The following FAF1 variants were observed in gnomAD, a reference collection of about 807,000 sequenced individuals.
FAF1 encodes FAS-associated factor 1.
In FAF1, 25 loss-of-function variants were observed where a neutral mutation model predicts 92.5. The ratio of observed to expected loss-of-function variants is 0.27; its 90% CI spans 0.20 to 0.38. The LOEUF is 0.38. FAF1 is among the 10% of genes least tolerant of loss of function. FAF1 has a pLI of 1.00. For synonymous variants in FAF1, 234 were observed against 273.2 expected (o/e 0.86, Z 1.42); for missense variants, 636 against 793.3 (o/e 0.80, Z 2.38).
chr1:50,689,834 T>C lies in FAF1; in HGVS notation c.657+15952A>G, dbSNP rs1467191048. On this transcript the variant is annotated intron_variant, in intron 7 of 18. Transcript: ENST00000396153. ...CATTCTATTTTCTGTTACTTTATTT[T>C]AGAATTCTGAAAATTAGCCTATGTA... is the stretch of plus-strand genomic sequence containing the variant. Among the ~76,000 whole-genome samples the C allele has an allele frequency of 3.3e-5, 5 of 152,284 alleles. No homozygotes were observed. In the East Asian group the frequency reaches 9.6e-4, roughly 29 times the overall value.
chr1:50,819,778 CATATATATACATATATATATATACAT>C lies in FAF1; in HGVS notation c.115-18127_115-18102del, dbSNP rs1644024602. ...ATATATATATACGTATATATATATA[CATATATATACATATATATATATACAT>C]ATATATATATATATAGTATTGTATA... On this transcript the variant is annotated intron_variant, in intron 2 of 18. Transcript: ENST00000396153. Among the ~76,000 whole-genome samples, 38 of 30,448 alleles carry C rather than the reference CATATATATACATATATATATATACAT, an allele frequency of 1.2e-3. 3 individuals are homozygous for C. The highest frequency in any genetic ancestry group is 3.5e-3 in the Admixed American group (9 of 2,550). The allele number at this position is 30,448 out of a possible 152,430, so 20.0% of individuals were successfully genotyped here.
chr1:50,824,049 A>G lies in FAF1; in HGVS notation c.115-22372T>C, dbSNP rs1403907958. 4.6e-5 allele frequency among the ~76,000 whole-genome samples: 7 copies of G among 152,196 alleles called. No homozygotes were observed. In the East Asian group the frequency reaches 1.2e-3, roughly 25 times the overall value. ...ATAAAGGAGACTAAATCTGGTAAAGAGAAAGGCTAATTTTAAAATGCATAT... is the reference window on the plus strand; with the variant it reads ...ATAAAGGAGACTAAATCTGGTAAAGGGAAAGGCTAATTTTAAAATGCATAT... On this transcript the variant is annotated intron_variant, in intron 2 of 18. Transcript: ENST00000396153.
chr1:50,898,801 T>A (rs1263933895), intron 1 of FAF1, among the ~76,000 whole-genome samples: 3 of 152,206 alleles, frequency 2.0e-5, no homozygotes, highest in African/African-American at 7.2e-5. Context: ...TTTTCACAGG[T>A]TTTAAGCAAT....
intron 7 of FAF1, among the ~76,000 whole-genome samples, chr1:50,686,381 A>G (rs993093463): frequency 1.3e-5 from 2 of 152,054 alleles, no homozygotes; most frequent in African/African-American, 4.8e-5. Flanking sequence ...CGTCCCTACT[A>G]AAAATACAAA....
chr1:50,629,965 G>A (rs1435474078), intron 8 of FAF1, among the ~76,000 whole-genome samples: 1 of 152,020 alleles, frequency 6.6e-6, no homozygotes, highest in African/African-American at 2.4e-5. Flanking sequence ...GGCTGAGGCA[G>A]GAGAATCGCT....
At chr1:50,868,297 A>G (rs1255695317) in intron 1 of FAF1, among the ~76,000 whole-genome samples, 1 of 152,196 alleles carries the variant, frequency 6.6e-6, no homozygotes, top group Non-Finnish European at 1.5e-5. Flanking sequence ...ATTGTAATCA[A>G]ACACCACCTG....
intron 3 of FAF1, among the ~76,000 whole-genome samples, chr1:50,800,252 T>A (rs1661936969): frequency 6.6e-6 from 1 of 152,220 alleles, no homozygotes; most frequent in Non-Finnish European, 1.5e-5. Context: ...ATGCTATTAA[T>A]TGGATGATAT....
At chr1:50,706,461 A>G (rs1657678828) in intron 6 of FAF1, among the ~76,000 whole-genome samples, 1 of 152,212 alleles carries the variant, frequency 6.6e-6, no homozygotes, top group African/African-American at 2.4e-5. Context: ...TCATAGCAAC[A>G]TTTTGTAAAG....
intron 1 of FAF1, among the ~76,000 whole-genome samples, chr1:50,881,108 A>G (rs1322546606): frequency 6.6e-6 from 1 of 152,200 alleles, no homozygotes; most frequent in Admixed American, 6.5e-5. Flanking sequence ...TAATGAGTGT[A>G]GCTAGTATGA....
intron 15 of FAF1, among the ~76,000 whole-genome samples, chr1:50,501,985 A>T (rs1401312050): frequency 2.0e-5 from 3 of 152,214 alleles, no homozygotes; most frequent in African/African-American, 7.2e-5. Flanking sequence ...GTGAACATTC[A>T]AAAAATTGTG....
intron 1 of FAF1, among the ~76,000 whole-genome samples, chr1:50,882,858 C>T (rs1644625195): frequency 6.6e-6 from 1 of 151,460 alleles, no homozygotes; most frequent in Non-Finnish European, 1.5e-5. Flanking sequence ...TGGTGGCAGG[C>T]ACCTGTAATC....
At chr1:50,769,449 C>T (rs182665612) in intron 4 of FAF1, among the ~76,000 whole-genome samples, 1 of 152,246 alleles carries the variant, frequency 6.6e-6, no homozygotes, top group Non-Finnish European at 1.5e-5. Flanking sequence ...TTTTATGAGG[C>T]CAGCATCATC....
In FAF1 at chr1:50,688,395, G is replaced by A. The variant is rs375948637; in HGVS notation, c.657+17391C>T. 1.8e-4 allele frequency among the ~76,000 whole-genome samples: 28 copies of A among 152,248 alleles called. No homozygotes were observed. In the South Asian group the frequency reaches 4.6e-3, roughly 25 times the overall value. On this transcript the variant is annotated intron_variant, in intron 7 of 18. Transcript: ENST00000396153. ...CTCAAAGATGTATTTGTACACCCATGTTTATAGCAGCATTATTCACAATAC... is the reference window on the plus strand; with the variant it reads ...CTCAAAGATGTATTTGTACACCCATATTTATAGCAGCATTATTCACAATAC...
chr1:50,438,905 G>C lies in FAF1; in HGVS notation c.*2535C>G, dbSNP rs952555540. On this transcript the variant is annotated 3_prime_UTR_variant, in exon 19 of 19. Coordinates refer to ENST00000396153, the MANE Select transcript of FAF1 (RefSeq NM_007051.3). Reference sequence around the variant, plus strand: ...GTGTGCTATAAAACTAGTAGTGCCAGAGAATGGCAACATCCGAAATCAGAA... The same window carrying C: ...GTGTGCTATAAAACTAGTAGTGCCACAGAATGGCAACATCCGAAATCAGAA... 5 of 152,192 alleles carry C rather than the reference G, an allele frequency of 3.3e-5. No individual in the cohort carries two copies. Among genetic ancestry groups the C allele is most frequent in the African/African-American group, 1.2e-4 (5 of 41,434 alleles). The allele number at this position is 152,192 out of a possible 1,614,324, so 9.4% of individuals were successfully genotyped here. A position where few individuals can be genotyped will look rare whatever the true frequency, so the allele number is the denominator to read the frequency against.
chr1:50,756,891 A>T (rs1325177018), intron 4 of FAF1, among the ~76,000 whole-genome samples: 5 of 152,168 alleles, frequency 3.3e-5, no homozygotes, highest in Admixed American at 3.3e-4. Context: ...ATTACCTCCC[A>T]TCAGGTCCCT....
At chr1:50,722,531 C>G (rs766504566) in intron 6 of FAF1, among the ~76,000 whole-genome samples, 15 of 151,892 alleles carry the variant, frequency 9.9e-5, no homozygotes, top group Non-Finnish European at 2.2e-4. Context: ...CGCCTGTAGT[C>G]CCGGCTACTC....
At chr1:50,824,485 A>G (rs2124624276) in intron 2 of FAF1, among the ~76,000 whole-genome samples, 1 of 151,380 alleles carries the variant, frequency 6.6e-6, no homozygotes, top group East Asian at 1.9e-4. Flanking sequence ...GATTAATGCG[A>G]AAAAAAAAGG....
rs565333686 is a variant in FAF1, at chr1:50,498,248, A to T, written c.1495-6447T>A. ...CTGGACCCTCATCATACCTCATATTAAAAAAAAAGCTTAAAATGAATCAAA... is the reference window on the plus strand; with the variant it reads ...CTGGACCCTCATCATACCTCATATTTAAAAAAAAGCTTAAAATGAATCAAA... On this transcript the variant is annotated intron_variant, in intron 15 of 18. Coordinates refer to ENST00000396153, the MANE Select transcript of FAF1 (RefSeq NM_007051.3). Among the ~76,000 whole-genome samples the T allele has an allele frequency of 5.3e-5, 8 of 150,744 alleles. No homozygotes were observed. The East Asian group carries it at 9.7e-4, about 18-fold the overall frequency.
intron 7 of FAF1, among the ~76,000 whole-genome samples, chr1:50,693,417 C>T (rs931871459): frequency 3.9e-5 from 6 of 152,000 alleles, no homozygotes; most frequent in African/African-American, 1.2e-4. Flanking sequence ...TATGCTGGTT[C>T]CACAGTCTTA....
Sources: allele counts gnomAD v4.1 joint callset (sites outside exome capture counted in the v4.1 genomes callset), GRCh38; gene constraint gnomAD v4.1.1; transcripts MANE v1.5; gene names NCBI Gene and HGNC (gene_info 2026-07-23, HGNC 2026-07-21).